DNAAF6: variants seen among roughly 807,000 people sequenced by gnomAD.
DNAAF6 encodes the protein PIH1 domain containing 3.
DNAAF6 carries 3 observed loss-of-function variants against 13.7 expected under a neutral mutation model. The observed-to-expected ratio is 0.22, with a 90% CI of 0.10 to 0.56. DNAAF6 has a LOEUF of 0.56. Among genes scored for constraint, DNAAF6 ranks in the 20% least tolerant of loss-of-function variants. The pLI, the probability that DNAAF6 is intolerant of heterozygous loss-of-function variation, is 0.92. For missense variants in DNAAF6, 130 were observed against 151.0 expected (o/e 0.86, Z 0.73); for synonymous variants, 54 against 49.2 (o/e 1.10, Z -0.41).
chrX:107,215,722 T>A (rs1018863935), intron 2 of DNAAF6, among the ~76,000 whole-genome samples: 3 of 111,725 alleles, frequency 2.7e-5, no homozygotes, highest in African/African-American at 9.7e-5. Flanking sequence ...TTTGTACATG[T>A]CTAAAGTCTT....
chrX:107,206,795 C>G (rs1435853128), intron 1 of DNAAF6, 105 bp downstream of exon 1: 1 of 110,948 alleles, frequency 9.0e-6, no homozygotes, highest in African/African-American at 3.3e-5. Context: ...CTGCGAGATA[C>G]CCCAAAAAGC....
intron 5 of DNAAF6, among the ~76,000 whole-genome samples, chrX:107,236,921 G>A (rs1928526673): frequency 9.0e-6 from 1 of 111,686 alleles, no homozygotes; most frequent in Admixed American, 9.5e-5. Context: ...CGAATAGAAT[G>A]CCTATTTACT....
chrX:107,207,646 G>T (rs1413273894), intron 1 of DNAAF6, among the ~76,000 whole-genome samples: 2 of 111,987 alleles, frequency 1.8e-5, no homozygotes, highest in Admixed American at 1.9e-4. Flanking sequence ...AAGAAAATTT[G>T]CCAGGCCGAG....
At chrX:107,238,865 C>A in intron 5 of DNAAF6, 57 bp from the exon 6 acceptor site, 1 of 1,192,449 alleles carries the variant, frequency 8.4e-7, no homozygotes, top group East Asian at 3.0e-5. Flanking sequence ...TTCTTATATT[C>A]TTCAAATTAA....
At chrX:107,233,598 T>A (rs1223929267) in intron 5 of DNAAF6, among the ~76,000 whole-genome samples, 1 of 111,260 alleles carries the variant, frequency 9.0e-6, no homozygotes, top group Non-Finnish European at 1.9e-5. Flanking sequence ...TCTTTCTGTG[T>A]CTGGCATTTT....
intron 5 of DNAAF6, among the ~76,000 whole-genome samples, chrX:107,237,151 C>T (rs1385944873): frequency 8.9e-6 from 1 of 112,291 alleles, no homozygotes; most frequent in Non-Finnish European, 1.9e-5. Flanking sequence ...AACTCACAAG[C>T]ATGTATTGCT....
intron 5 of DNAAF6, among the ~76,000 whole-genome samples, chrX:107,229,520 CTAGGCA>C (rs1239262723): frequency 5.4e-5 from 6 of 110,521 alleles, no homozygotes; most frequent in Admixed American, 2.9e-4. Flanking sequence ...TCCGAAATCA[CTAGGCA>C]TTCCTCCTCT....
At chrX:107,235,823 C>T in intron 5 of DNAAF6, among the ~76,000 whole-genome samples, 1 of 110,769 alleles carries the variant, frequency 9.0e-6, no homozygotes, top group Non-Finnish European at 1.9e-5. Flanking sequence ...AATAGATGAC[C>T]AGTAAACAAT....
intron 1 of DNAAF6, among the ~76,000 whole-genome samples, chrX:107,208,388 G>T (rs949097293): frequency 9.1e-6 from 1 of 109,311 alleles, no homozygotes; most frequent in African/African-American, 3.3e-5. Context: ...AGCCGAGATC[G>T]CGCCACTGCA....
At chrX:107,232,047 G>A (rs1928413824) in intron 5 of DNAAF6, among the ~76,000 whole-genome samples, 1 of 110,814 alleles carries the variant, frequency 9.0e-6, no homozygotes, top group Admixed American at 9.6e-5. Flanking sequence ...TTCTAGAGAT[G>A]TGGTTTCACC....
At position 107,206,665 on chromosome X, in the gene DNAAF6, A is replaced by G. The variant is rs1347651321; in HGVS notation, c.-29A>G. ...TCTGCACAGTCTATTTTCGGAGCCTAGCCAGAGACGGGAAAACTGACCAAG... is the reference window on the plus strand; with the variant it reads ...TCTGCACAGTCTATTTTCGGAGCCTGGCCAGAGACGGGAAAACTGACCAAG... On this transcript the variant is annotated 5_prime_UTR_variant, in exon 1 of 7. Coordinates refer to ENST00000372453, the MANE Select transcript of DNAAF6 (RefSeq NM_173494.2). 9.0e-6 allele frequency: 1 copy of G among 111,403 alleles called. No individual in the cohort carries two copies. Among genetic ancestry groups the G allele is most frequent in the African/African-American group, 3.3e-5 (1 of 30,591 alleles). 9.2% of individuals were successfully genotyped at this position (111,403 alleles called of 1,213,427 possible). A position where few individuals can be genotyped will look rare whatever the true frequency, so the allele number is the denominator to read the frequency against.
intron 6 of DNAAF6, 90 bp from the exon 7 acceptor site, chrX:107,243,079 C>T (rs1466005405): frequency 1.0e-6 from 1 of 993,737 alleles, no homozygotes; most frequent in East Asian, 3.3e-5. Flanking sequence ...TTTTCTAACA[C>T]TCTAGTGGCA....
In DNAAF6 at chrX:107,230,401, G is replaced by A. The variant is rs149192862; in HGVS notation, c.429+7560G>A. ...GAGTTCCTTTTTAAAAGTAAGTCAA[G>A]GCCAGGCACAGTGGCTCACACCTGT... On this transcript the variant is annotated intron_variant, in intron 5 of 6. Coordinates refer to ENST00000372453, the MANE Select transcript of DNAAF6 (RefSeq NM_173494.2). Among the ~76,000 whole-genome samples, 152 of 111,980 alleles carry A rather than the reference G, an allele frequency of 1.4e-3. 1 individual carries two copies. Among genetic ancestry groups the A allele is most frequent in the African/African-American group, 4.3e-3 (134 of 30,830 alleles).
At chrX:107,216,376 G>A (rs2053831351) in intron 2 of DNAAF6, among the ~76,000 whole-genome samples, 1 of 111,577 alleles carries the variant, frequency 9.0e-6, no homozygotes. Context: ...AATGTGGCTC[G>A]TTCCTCTATC....
chrX:107,240,664 C>A (rs1928606724), intron 6 of DNAAF6, among the ~76,000 whole-genome samples: 1 of 111,597 alleles, frequency 9.0e-6, no homozygotes, highest in Non-Finnish European at 1.9e-5. Flanking sequence ...ATAAATAAAG[C>A]AGTTTACCAA....
At chrX:107,230,902 A>G (rs371705429) in intron 5 of DNAAF6, among the ~76,000 whole-genome samples, 222 of 111,369 alleles carry the variant, frequency 2.0e-3, no homozygotes, top group African/African-American at 6.8e-3. Flanking sequence ...ATGCCAAGTT[A>G]TTTCCCGATT....
At chrX:107,241,195 G>T (rs760611617) in intron 6 of DNAAF6, among the ~76,000 whole-genome samples, 10 of 111,903 alleles carry the variant, frequency 8.9e-5, no homozygotes, top group Non-Finnish European at 1.7e-4. Flanking sequence ...AATCTCTTGT[G>T]AGCAACATCA....
At chrX:107,223,501 A>T (rs1037928556) in intron 5 of DNAAF6, among the ~76,000 whole-genome samples, 1 of 111,678 alleles carries the variant, frequency 9.0e-6, no homozygotes, top group Admixed American at 9.6e-5. Context: ...TCATCCTGAT[A>T]ATGACCTTGT....
At chrX:107,224,660 T>C (rs1189200123) in intron 5 of DNAAF6, among the ~76,000 whole-genome samples, 1 of 109,966 alleles carries the variant, frequency 9.1e-6, no homozygotes, top group Admixed American at 9.8e-5. Context: ...GGTTAATGGG[T>C]ACAAAAATAT....
Sources: allele counts gnomAD v4.1 joint callset (sites outside exome capture counted in the v4.1 genomes callset), GRCh38; gene constraint gnomAD v4.1.1; transcripts MANE v1.5; gene names NCBI Gene and HGNC (gene_info 2026-07-23, HGNC 2026-07-21).